The following GPR89B variants were observed in gnomAD, a reference collection of about 807,000 sequenced individuals.
The protein encoded by GPR89B is golgi pH regulator B.
Under a neutral mutation model 52.4 loss-of-function variants are expected in GPR89B, and 25 were observed. The ratio of observed to expected loss-of-function variants is 0.48; its 90% CI spans 0.35 to 0.67. The LOEUF is 0.67. Ranked by LOEUF, GPR89B falls within the 30% of genes least tolerant of loss-of-function variation. The pLI, the probability that GPR89B is intolerant of heterozygous loss-of-function variation, is 0.01. For synonymous variants in GPR89B, 52 were observed against 151.2 expected, an observed-to-expected ratio of 0.34 and a Z score of 4.81; for missense variants, 146 against 450.2, an observed-to-expected ratio of 0.32 and a Z score of 6.11.
At chr1:147,986,691 A>C (rs1432155294) in intron 11 of GPR89B, among the ~76,000 whole-genome samples, 4 of 152,074 alleles carry the variant, frequency 2.6e-5, no homozygotes, top group Non-Finnish European at 5.9e-5. Context: ...TTGATGCTCC[A>C]GTGGAAAATT....
downstream of GPR89B, chr1:147,994,178 C>G: frequency 1.3e-6 from 2 of 1,485,350 alleles, no homozygotes; most frequent in Admixed American, 2.0e-5. Context: ...TGAATGGTTT[C>G]CAGTGGAGTT....
At position 147,958,660 on chromosome 1, in the gene GPR89B, C is replaced by T. The variant is rs1314505585; in HGVS notation, c.617+4258C>T. ...TCTCAAAAAAAAAAAAAAGTGAAGT[C>T]ATGACCCATGTCAAGTGTGGATACA... On this transcript the variant is annotated intron_variant, in intron 7 of 13. Coordinates refer to ENST00000314163, the MANE Select transcript of GPR89B (RefSeq NM_016334.5). Among the ~76,000 whole-genome samples, 946 of 151,790 alleles carry T rather than the reference C, an allele frequency of 6.2e-3. 26 individuals carry two copies. The highest frequency in any genetic ancestry group is 0.022 in the African/African-American group (895 of 41,276).
intron 10 of GPR89B, among the ~76,000 whole-genome samples, chr1:147,983,048 A>T (rs1355975870): frequency 1.3e-5 from 2 of 152,190 alleles, no homozygotes; most frequent in African/African-American, 2.4e-5. Context: ...CTGATCTTTG[A>T]CAAACCTGAG....
intron 5 of GPR89B, among the ~76,000 whole-genome samples, 182 bp downstream of exon 5, chr1:147,944,280 C>A (rs1654785100): frequency 6.7e-6 from 1 of 149,532 alleles, no homozygotes; most frequent in African/African-American, 2.5e-5. Flanking sequence ...CAAGCTATTT[C>A]TCTGAAAAAT....
At chr1:147,968,484 T>G in intron 8 of GPR89B, 1 of 376,032 alleles carries the variant, frequency 2.7e-6, no homozygotes, top group South Asian at 2.0e-5. Context: ...TAGTTCCCTT[T>G]TCTAACATTA....
At chr1:147,970,541 ATCTCTCTCTCTCTATC>A (rs1657377649) in intron 10 of GPR89B, among the ~76,000 whole-genome samples, 1 of 94,590 alleles carries the variant, frequency 1.1e-5, no homozygotes, top group Non-Finnish European at 2.2e-5. Context: ...CTCTATCTCT[ATCTCTCTCTCTCTATC>A]TCTCTCTCTC....
chr1:147,984,412 A>T (rs1192181181), intron 10 of GPR89B, among the ~76,000 whole-genome samples: 2 of 140,330 alleles, frequency 1.4e-5, no homozygotes, highest in African/African-American at 5.2e-5. Flanking sequence ...TAATATTGGT[A>T]ACTTGTGACT....
At chr1:147,943,227 T>G (rs1553249163) in intron 3 of GPR89B, among the ~76,000 whole-genome samples, 1 of 151,976 alleles carries the variant, frequency 6.6e-6, no homozygotes, top group Non-Finnish European at 1.5e-5. Flanking sequence ...TATATGAAAT[T>G]CTTAAGATGT....
the GPR89B span, among the ~76,000 whole-genome samples, chr1:148,006,368 A>C: frequency 6.6e-6 from 1 of 152,128 alleles, no homozygotes; most frequent in Admixed American, 6.6e-5. Context: ...GTAGGCTAAC[A>C]AGGACAGGCA....
At chr1:147,949,732 C>T (rs1330897663) in intron 5 of GPR89B, among the ~76,000 whole-genome samples, 1 of 140,830 alleles carries the variant, frequency 7.1e-6, no homozygotes, top group African/African-American at 2.8e-5. Context: ...ATCCTCACTT[C>T]CCAGTAGGGG....
chr1:147,969,256 T>A (rs1204212566), intron 9 of GPR89B: 1 of 424,316 alleles, frequency 2.4e-6, no homozygotes, highest in African/African-American at 2.0e-5. Flanking sequence ...GGGATAAAGA[T>A]GGTAGCTACT....
the GPR89B span, among the ~76,000 whole-genome samples, chr1:148,018,618 G>T: frequency 2.0e-5 from 3 of 151,316 alleles, no homozygotes; most frequent in Admixed American, 1.3e-4. Flanking sequence ...GACTCTAATG[G>T]TTCAATGGCA....
chr1:147,968,510 G>A (rs1657194901), intron 8 of GPR89B: 2 of 379,618 alleles, frequency 5.3e-6, no homozygotes, highest in African/African-American at 4.2e-5. Context: ...AGATAATGTA[G>A]GAGAAAGCTA....
chr1:147,979,184 G>A (rs1302179333), intron 10 of GPR89B, among the ~76,000 whole-genome samples: 4 of 151,970 alleles, frequency 2.6e-5, no homozygotes, highest in Admixed American at 2.6e-4. Flanking sequence ...CAACTGCCTA[G>A]TCAGTCCCAA....
rs1653937058 is a variant in GPR89B at position 147,934,734 on chromosome 1, A to G, written c.43-1893A>G. Among the ~76,000 whole-genome samples, 4 of 152,010 alleles carry G rather than the reference A, an allele frequency of 2.6e-5. No homozygotes were observed. In the South Asian group the frequency reaches 6.2e-4, roughly 24 times the overall value. On this transcript the variant is annotated intron_variant, in intron 1 of 13. Coordinates refer to ENST00000314163, the MANE Select transcript of GPR89B (RefSeq NM_016334.5). ...ACAATATCATGTATGTATTTCTATC[A>G]TTGCACATCCATATTATGTTATAAT... is the stretch of plus-strand genomic sequence containing the variant.
Position 147,943,544 on chromosome 1 carries a change from C to A in GPR89B, c.313C>A (p.Leu105Met), listed in dbSNP as rs370678417. The change falls in exon 4 of 14, where the codon CTG (leucine) becomes ATG (methionine). Residue 105 changes from leucine (L) to methionine (M), a missense_variant and splice_region_variant. Physicochemically the swap from Leu to Met is conservative, Grantham distance 15 (BLOSUM62 2). Transcript: ENST00000314163. ...GYFIVSNIRL[L>M]HKQRLLFSCL... ...TTTTATTGTGAGCAATATCCGACTA[C>A]GTAAGTATTTTACCCTCTCAGTCAG... 1 of 1,613,080 alleles carries A rather than the reference C, an allele frequency of 6.2e-7. No homozygotes were observed. The highest frequency in any genetic ancestry group is 8.5e-7 in the Non-Finnish European group (1 of 1,179,424).
the GPR89B span, among the ~76,000 whole-genome samples, chr1:148,001,956 T>G: frequency 2.0e-5 from 3 of 151,840 alleles, no homozygotes; most frequent in Non-Finnish European, 4.4e-5. Flanking sequence ...TTAGTAGCAA[T>G]TGGGTGTGTT....
At chr1:147,937,899 G>T (rs9438058) in intron 2 of GPR89B, among the ~76,000 whole-genome samples, 3 of 152,168 alleles carry the variant, frequency 2.0e-5, no homozygotes, top group East Asian at 1.9e-4. Context: ...AGTAAGACAG[G>T]CATAAGAAAT....
intron 2 of GPR89B, among the ~76,000 whole-genome samples, chr1:147,937,594 C>G (rs1654195441): frequency 6.6e-6 from 1 of 152,118 alleles, no homozygotes; most frequent in South Asian, 2.1e-4. Context: ...TGCATTCCTT[C>G]CCCAGGGTTA....
Sources: allele counts gnomAD v4.1 joint callset (sites outside exome capture counted in the v4.1 genomes callset), GRCh38; gene constraint gnomAD v4.1.1; transcripts MANE v1.5; gene names NCBI Gene and HGNC (gene_info 2026-07-23, HGNC 2026-07-21).